NAPA: variants seen among roughly 807,000 people sequenced by gnomAD.
The protein encoded by NAPA is alpha-soluble NSF attachment protein.
NAPA carries 18 observed loss-of-function variants against 48.0 expected under a neutral mutation model. The ratio of observed to expected loss-of-function variants is 0.38; its 90% confidence interval spans 0.26 to 0.56. The LOEUF is 0.56. Among genes scored for constraint, NAPA ranks in the 20% least tolerant of loss-of-function variants. NAPA has a pLI of 0.77. For missense variants in NAPA, 315 were observed against 385.0 expected (o/e 0.82, Z 1.52); for synonymous variants, 152 against 149.9 (o/e 1.01, Z -0.10).
intron 1 of NAPA, among the ~76,000 whole-genome samples, chr19:47,508,302 C>T (rs1472891216): frequency 6.6e-6 from 1 of 152,218 alleles, no homozygotes; most frequent in Non-Finnish European, 1.5e-5. Flanking sequence ...CTGGGAGCTG[C>T]CAGAGGCTCA....
At chr19:47,500,960 G>A (rs1359823219) in intron 2 of NAPA, among the ~76,000 whole-genome samples, 1 of 152,202 alleles carries the variant, frequency 6.6e-6, no homozygotes, top group African/African-American at 2.4e-5. Context: ...CCTGCGCTGA[G>A]GCTCCTGGTG....
chr19:47,485,311 G>A (rs1458945107), downstream of NAPA, among the ~76,000 whole-genome samples: 1 of 152,226 alleles, frequency 6.6e-6, no homozygotes, highest in African/African-American at 2.4e-5. Flanking sequence ...AGTTTAGAGA[G>A]AATCAAATGG....
At chr19:47,503,303 G>A in intron 2 of NAPA, 120 bp downstream of exon 2, 1 of 889,542 alleles carries the variant, frequency 1.1e-6, no homozygotes, top group South Asian at 1.4e-5. Flanking sequence ...GCTTTCCGAT[G>A]CCGGAGAGGG....
rs1198708976 is a variant in NAPA at position 47,509,344 on chromosome 19, TAAAATAAATA to T, written c.98+5489_98+5498del. Among the ~76,000 whole-genome samples the T allele has an allele frequency of 1.1e-3, 154 of 144,302 alleles. 1 individual carries two copies. Among genetic ancestry groups the T allele is most frequent in the African/African-American group, 3.1e-3 (123 of 39,272 alleles). 94.7% of individuals were successfully genotyped at this position (144,302 alleles called of 152,430 possible). A position where few individuals can be genotyped will look rare whatever the true frequency, so the allele number is the denominator to read the frequency against. ...TAAAATAAAATAAAATAAAATAAAA[TAAAATAAATA>T]AAATAAAATAAAATAAAATAAATGC... On this transcript the variant is annotated intron_variant, in intron 1 of 10. Coordinates refer to ENST00000263354, the MANE Select transcript of NAPA (RefSeq NM_003827.4).
intron 1 of NAPA, among the ~76,000 whole-genome samples, chr19:47,512,410 G>GT (rs1968822343): frequency 6.6e-6 from 1 of 152,084 alleles, no homozygotes; most frequent in African/African-American, 2.4e-5. Flanking sequence ...ACATCATCGA[G>GT]CCCCTCCTTA....
intron 7 of NAPA, chr19:47,492,344 G>A (rs1425376718): frequency 3.7e-6 from 2 of 540,914 alleles, no homozygotes; most frequent in Non-Finnish European, 6.7e-6. Context: ...GGTGGGGGTG[G>A]AGGCTGTAGC....
At chr19:47,508,381 G>C (rs1019779440) in intron 1 of NAPA, among the ~76,000 whole-genome samples, 2 of 152,240 alleles carry the variant, frequency 1.3e-5, no homozygotes, top group Admixed American at 6.5e-5. Flanking sequence ...CCGCCACTCT[G>C]CAGTGGGCCT....
chr19:47,491,864 C>G (rs1227020407), intron 8 of NAPA, 151 bp downstream of exon 8: 1 of 688,494 alleles, frequency 1.5e-6, no homozygotes, highest in East Asian at 2.7e-5. Context: ...AGAAACACAG[C>G]TGTGAGAACC....
intron 9 of NAPA, among the ~76,000 whole-genome samples, chr19:47,490,041 G>T (rs1329968904): frequency 6.6e-6 from 1 of 151,218 alleles, no homozygotes; most frequent in African/African-American, 2.4e-5. Context: ...TGTGTGTGTT[G>T]GGTGTGGTGT....
chr19:47,499,046 C>T (rs1968504643), intron 3 of NAPA, among the ~76,000 whole-genome samples: 1 of 152,214 alleles, frequency 6.6e-6, no homozygotes. Flanking sequence ...TTATACTTTC[C>T]TACCGGTCGG....
intron 1 of NAPA, among the ~76,000 whole-genome samples, chr19:47,514,033 G>C (rs1399386740): frequency 2.6e-5 from 4 of 151,418 alleles, no homozygotes; most frequent in Non-Finnish European, 5.9e-5. Context: ...ATTTTTAGTA[G>C]AGACGGGGTT....
chr19:47,509,322 AATAAAATAAAAT>A (rs1349779400), intron 1 of NAPA, among the ~76,000 whole-genome samples: 4 of 148,612 alleles, frequency 2.7e-5, no homozygotes, highest in Admixed American at 6.7e-5. Context: ...AATAAAATAA[AATAAAATAAAAT>A]AAAATAAAAT....
Position 47,499,489 on chromosome 19 carries a change from G to A in NAPA, c.295+1144C>T, listed in dbSNP as rs375050314. Among the ~76,000 whole-genome samples the A allele has an allele frequency of 2.5e-4, 38 of 152,336 alleles. No homozygotes were observed. In the East Asian group the frequency reaches 5.8e-3, roughly 23 times the overall value. ...CCTGGGTCATCACTGCATCAACCAC[G>A]CAGCCTGCTGTGGCCCAGTGCTACC... On this transcript the variant is annotated intron_variant, in intron 3 of 10. Coordinates refer to ENST00000263354, the MANE Select transcript of NAPA (RefSeq NM_003827.4).
In NAPA at chr19:47,514,872, G is replaced by T. The variant is rs767703900; in HGVS notation, c.69C>A (p.Asn23Lys). The change falls in exon 1 of 11, where the codon AAC becomes AAA. Residue 23 changes from asparagine (N) to lysine (K), a missense_variant. Physicochemically the swap from Asn to Lys is moderately conservative, Grantham distance 94. Transcript: ENST00000263354. ...LLAEAERKVK[N>K]SQSFFSGLFG... is the part of the protein sequence containing the mutation. ...AGAGGCCAGAGAAGAAGGACTGCGA[G>T]TTCTTCACTTTGCGCTCCGCCTCGG... 54 of 1,613,946 alleles carry T rather than the reference G, an allele frequency of 3.3e-5. No individual in the cohort carries two copies. The Admixed American group carries it at 7.7e-4, about 23-fold the overall frequency.
At chr19:47,489,386 C>T in intron 10 of NAPA, 1 of 371,470 alleles carries the variant, frequency 2.7e-6, no homozygotes, top group Non-Finnish European at 5.0e-6. Context: ...GTGAGTCTCA[C>T]ACACTCACCT....
intron 1 of NAPA, among the ~76,000 whole-genome samples, chr19:47,507,778 C>A (rs1415717251): frequency 6.6e-6 from 1 of 152,252 alleles, no homozygotes; most frequent in Admixed American, 6.5e-5. Context: ...GAGCCCACAG[C>A]TCCTCACGAG....
rs1165279347 is a variant in NAPA, at chr19:47,507,353, C to T, written c.99-3851G>A. On this transcript the variant is annotated intron_variant, in intron 1 of 10. Transcript: ENST00000263354. The stretch of plus-strand genomic sequence containing the variant: ...AGGAATACACAGATGCCTGATGGGA[C>T]CTGGGCCAGGGGGTTGTGCAGGGCA... 3.3e-5 allele frequency among the ~76,000 whole-genome samples: 5 copies of T among 152,308 alleles called. No individual in the cohort carries two copies. The East Asian group carries it at 9.6e-4, about 29-fold the overall frequency.
intron 1 of NAPA, among the ~76,000 whole-genome samples, chr19:47,511,879 A>C (rs1450987500): frequency 6.6e-6 from 1 of 151,912 alleles, no homozygotes; most frequent in Non-Finnish European, 1.5e-5. Context: ...TCCTGCTGTC[A>C]CTCTCCCCCA....
intron 1 of NAPA, among the ~76,000 whole-genome samples, chr19:47,504,883 A>G (rs1365419718): frequency 6.6e-6 from 1 of 152,172 alleles, no homozygotes; most frequent in Non-Finnish European, 1.5e-5. Flanking sequence ...AAAACAGCAA[A>G]ACCCCCCAAA....
Sources: allele counts gnomAD v4.1 joint callset (sites outside exome capture counted in the v4.1 genomes callset), GRCh38; gene constraint gnomAD v4.1.1; transcripts MANE v1.5; gene names NCBI Gene and HGNC (gene_info 2026-07-23, HGNC 2026-07-21).